The following ATXN1 variants were observed in gnomAD, a reference collection of about 807,000 sequenced individuals.
The protein encoded by ATXN1 is ataxin-1.
A neutral mutation model predicts 56.4 loss-of-function variants in ATXN1; 8 were observed. The observed-to-expected ratio is 0.14, with a 90% CI of 0.08 to 0.26. The LOEUF is 0.26. Among genes scored for constraint, ATXN1 ranks in the 10% least tolerant of loss-of-function variants. The pLI is 1.00. For missense variants in ATXN1, 987 were observed against 1,106.5 expected (o/e 0.89, Z 1.53); for synonymous variants, 514 against 494.6 (o/e 1.04, Z -0.52).
chr6:16,359,147 C>T (rs890622932), intron 6 of ATXN1, among the ~76,000 whole-genome samples: 1 of 152,196 alleles, frequency 6.6e-6, no homozygotes, highest in African/African-American at 2.4e-5. Context: ...GGCCAAGCCC[C>T]GGGGCCATGA....
intron 6 of ATXN1, among the ~76,000 whole-genome samples, chr6:16,392,815 A>C (rs754300046): frequency 2.8e-4 from 42 of 152,204 alleles, no homozygotes; most frequent in Non-Finnish European, 3.7e-4. Context: ...CTTTATCTCT[A>C]AACTCACAAG....
rs1355368660 is a variant in ATXN1 at position 16,585,870 on chromosome 6, G to C, written c.-451C>G. 2.6e-5 allele frequency: 4 copies of C among 152,162 alleles called. No homozygotes were observed. The highest frequency in any genetic ancestry group is 2.9e-5 in the Non-Finnish European group (2 of 68,030). 9.4% of individuals were successfully genotyped at this position (152,162 alleles called of 1,614,324 possible). On this transcript the variant is annotated 5_prime_UTR_variant, in exon 4 of 8. Transcript: ENST00000436367. ...CACGAAGATTTTGCTTGAGTAGAAAGGGTGGCAGTGGAGAATCTCAGTGTA... is the reference window on the plus strand; with the variant it reads ...CACGAAGATTTTGCTTGAGTAGAAACGGTGGCAGTGGAGAATCTCAGTGTA...
chr6:16,528,476 A>T (rs780193075), intron 4 of ATXN1, among the ~76,000 whole-genome samples: 1 of 152,166 alleles, frequency 6.6e-6, no homozygotes. Flanking sequence ...TCTGGTAAAC[A>T]TGACTTGCCC....
chr6:16,459,036 A>C (rs1443228828), intron 6 of ATXN1, among the ~76,000 whole-genome samples: 1 of 152,312 alleles, frequency 6.6e-6, no homozygotes, highest in Non-Finnish European at 1.5e-5. Flanking sequence ...ATTACCATCC[A>C]AGGAATCCTG....
At chr6:16,706,314 C>T (rs1217209245) in intron 2 of ATXN1, among the ~76,000 whole-genome samples, 2 of 152,136 alleles carry the variant, frequency 1.3e-5, no homozygotes, top group African/African-American at 4.8e-5. Flanking sequence ...CTATCTTATG[C>T]TTTAGCCTCA....
chr6:16,608,879 C>T (rs1193914323), intron 3 of ATXN1, among the ~76,000 whole-genome samples: 1 of 152,126 alleles, frequency 6.6e-6, no homozygotes. Context: ...TCCATAAATA[C>T]TTTTGTAAAA....
At chr6:16,416,855 G>A (rs1045757693) in intron 6 of ATXN1, among the ~76,000 whole-genome samples, 5 of 152,040 alleles carry the variant, frequency 3.3e-5, no homozygotes, top group African/African-American at 9.7e-5. Flanking sequence ...ACCCCATACC[G>A]TGTATCATTG....
intron 5 of ATXN1, among the ~76,000 whole-genome samples, chr6:16,511,639 T>C (rs146849985): frequency 8.3e-4 from 126 of 152,282 alleles, no homozygotes; most frequent in African/African-American, 2.9e-3. Flanking sequence ...ATCCTAGCAC[T>C]TTGGGAAGCC....
At chr6:16,732,743 C>A (rs977555930) in intron 2 of ATXN1, among the ~76,000 whole-genome samples, 1 of 152,194 alleles carries the variant, frequency 6.6e-6, no homozygotes, top group African/African-American at 2.4e-5. Context: ...TAAATATGTG[C>A]AAAGACTAAT....
intron 2 of ATXN1, among the ~76,000 whole-genome samples, chr6:16,718,646 A>G (rs1759685499): frequency 6.6e-6 from 1 of 152,244 alleles, no homozygotes; most frequent in Non-Finnish European, 1.5e-5. Flanking sequence ...TAAATTATCA[A>G]AATGTAAACC....
At chr6:16,655,783 G>C (rs1431207077) in intron 3 of ATXN1, among the ~76,000 whole-genome samples, 1 of 151,468 alleles carries the variant, frequency 6.6e-6, no homozygotes, top group Non-Finnish European at 1.5e-5. Context: ...TTTTAATGTT[G>C]CAAGGGAATA....
intron 3 of ATXN1, among the ~76,000 whole-genome samples, chr6:16,619,773 G>T (rs1014709492): frequency 6.6e-6 from 1 of 151,760 alleles, no homozygotes; most frequent in African/African-American, 2.4e-5. Flanking sequence ...GCCATGCGTG[G>T]CAACATGCAC....
At chr6:16,541,231 C>T (rs1051039594) in intron 4 of ATXN1, among the ~76,000 whole-genome samples, 21 of 152,166 alleles carry the variant, frequency 1.4e-4, no homozygotes, top group African/African-American at 2.9e-4. Context: ...TACTGCACCA[C>T]GCAACACTAC....
intron 6 of ATXN1, among the ~76,000 whole-genome samples, chr6:16,385,321 T>C (rs185545151): frequency 1.3e-5 from 2 of 152,168 alleles, no homozygotes; most frequent in Non-Finnish European, 1.5e-5. Flanking sequence ...GAGTAGAAGA[T>C]GGATGAGAAG....
At chr6:16,402,058 G>A (rs532583262) in intron 6 of ATXN1, among the ~76,000 whole-genome samples, 5 of 152,162 alleles carry the variant, frequency 3.3e-5, no homozygotes, top group Non-Finnish European at 4.4e-5. Flanking sequence ...GATCTCGTGA[G>A]ACTTATCCAT....
chr6:16,585,122 T>G (rs1313851766), intron 4 of ATXN1, among the ~76,000 whole-genome samples: 1 of 151,024 alleles, frequency 6.6e-6, no homozygotes, highest in Non-Finnish European at 1.5e-5. Flanking sequence ...GCACCTGTAG[T>G]CCCAGCTATT....
intron 2 of ATXN1, among the ~76,000 whole-genome samples, chr6:16,751,698 A>G (rs1224760504): frequency 1.3e-5 from 2 of 152,218 alleles, no homozygotes; most frequent in Admixed American, 6.5e-5. Context: ...GCAGAGCCGT[A>G]GATGTCTACA....
At chr6:16,467,450 CA>C (rs1760130791) in intron 6 of ATXN1, among the ~76,000 whole-genome samples, 2 of 152,164 alleles carry the variant, frequency 1.3e-5, no homozygotes, top group African/African-American at 4.8e-5. Context: ...TTTTATTTGT[CA>C]AAACTACTGC....
In ATXN1 at chr6:16,606,867, T is replaced by TTGTGTGTGTGTG. The variant is rs759331296; in HGVS notation, c.-488-20972_-488-20961dup. ...GGGGGAAAGTATACAGTTCCATGAG[T>TTGTGTGTGTGTG]TGTGTGTGTGTGTGTGTGTGTTGTT... On this transcript the variant is annotated intron_variant, in intron 3 of 7. Coordinates refer to ENST00000436367, the MANE Select transcript of ATXN1 (RefSeq NM_001128164.2). Among the ~76,000 whole-genome samples the TTGTGTGTGTGTG allele has an allele frequency of 2.6e-3, 326 of 126,808 alleles. 1 individual carries two copies. Among genetic ancestry groups the TTGTGTGTGTGTG allele is most frequent in the African/African-American group, 9.0e-3 (310 of 34,628 alleles). The allele number at this position is 126,808 out of a possible 152,430, so 83.2% of individuals were successfully genotyped here.
Sources: gnomAD v4.1 joint callset for allele counts (sites outside exome capture counted in the v4.1 genomes callset) on GRCh38, gnomAD v4.1.1 for gene constraint, MANE v1.5 for transcripts, NCBI Gene and HGNC (gene_info 2026-07-23, HGNC 2026-07-21) for gene names.